PCDH9: variants seen among roughly 807,000 people sequenced by gnomAD.
PCDH9 encodes protocadherin 9.
In PCDH9, 24 loss-of-function variants were observed where a neutral mutation model predicts 70.6. That is an observed-to-expected ratio of 0.34 (90% confidence interval 0.25 to 0.48). The LOEUF is 0.48. PCDH9 is among the 20% of genes least tolerant of loss of function. The pLI, the probability that PCDH9 is intolerant of heterozygous loss-of-function variation, is 0.99. For synonymous variants in PCDH9, 562 were observed against 558.5 expected, an observed-to-expected ratio of 1.01 and a Z score of -0.09; for missense variants, 1,281 against 1,503.6, an observed-to-expected ratio of 0.85 and a Z score of 2.45.
Position 66,319,232 on chromosome 13 carries a change from T to TG in PCDH9, c.3341-14205dup, listed in dbSNP as rs550170598. 9.9e-5 allele frequency among the ~76,000 whole-genome samples: 15 copies of TG among 152,018 alleles called. No individual in the cohort carries two copies. The East Asian group carries it at 2.3e-3, about 24-fold the overall frequency. On this transcript the variant is annotated intron_variant, in intron 4 of 4. Transcript: ENST00000377865. ...AAAACTCACTATCATGGCAATAGCG[T>TG]GGGGAAAAGTGCCCCATGATCCAAT...
At chr13:66,439,293 C>T (rs1593981306) in intron 4 of PCDH9, among the ~76,000 whole-genome samples, 1 of 152,134 alleles carries the variant, frequency 6.6e-6, no homozygotes, top group East Asian at 1.9e-4. Context: ...TGTATTTTGG[C>T]ATTTGTTATC....
chr13:66,882,140 T>C (rs2081932517), intron 3 of PCDH9, among the ~76,000 whole-genome samples: 1 of 152,204 alleles, frequency 6.6e-6, no homozygotes, highest in Non-Finnish European at 1.5e-5. Context: ...GTTCTCTTTG[T>C]GGTAATGTCA....
At chr13:66,792,138 G>T (rs888457810) in intron 3 of PCDH9, among the ~76,000 whole-genome samples, 1 of 152,128 alleles carries the variant, frequency 6.6e-6, no homozygotes, top group Admixed American at 6.5e-5. Flanking sequence ...GTCAGTAAAT[G>T]AAAACATTTT....
intron 2 of PCDH9, among the ~76,000 whole-genome samples, chr13:67,084,643 G>A (rs897577903): frequency 2.0e-5 from 3 of 151,606 alleles, no homozygotes; most frequent in African/African-American, 7.3e-5. Context: ...CAATATTACT[G>A]CACCTGGTAA....
At chr13:66,795,108 T>A (rs1261805527) in intron 3 of PCDH9, among the ~76,000 whole-genome samples, 1 of 152,116 alleles carries the variant, frequency 6.6e-6, no homozygotes, top group Admixed American at 6.6e-5. Context: ...TTATTTTTCT[T>A]TTTAGTATAA....
At chr13:66,450,196 T>A (rs953140355) in intron 4 of PCDH9, among the ~76,000 whole-genome samples, 1 of 152,202 alleles carries the variant, frequency 6.6e-6, no homozygotes, top group Non-Finnish European at 1.5e-5. Flanking sequence ...CTAGAGGGTG[T>A]GCAATTAGTT....
intron 4 of PCDH9, among the ~76,000 whole-genome samples, chr13:66,514,379 T>C (rs1020353797): frequency 2.0e-5 from 3 of 151,954 alleles, no homozygotes; most frequent in Non-Finnish European, 4.4e-5. Context: ...AGCAGTAGTA[T>C]TGACGTGGTG....
intron 4 of PCDH9, among the ~76,000 whole-genome samples, chr13:66,608,957 C>T (rs887571256): frequency 6.6e-6 from 1 of 152,194 alleles, no homozygotes; most frequent in Non-Finnish European, 1.5e-5. Flanking sequence ...GGACCTCACA[C>T]GGTCTCCTTT....
At chr13:67,070,442 T>A (rs2085738678) in intron 2 of PCDH9, among the ~76,000 whole-genome samples, 1 of 152,198 alleles carries the variant, frequency 6.6e-6, no homozygotes, top group African/African-American at 2.4e-5. Flanking sequence ...CTGTTAAGTG[T>A]GAGAGGTATT....
At chr13:66,898,961 A>C (rs987647028) in intron 3 of PCDH9, among the ~76,000 whole-genome samples, 2 of 151,940 alleles carry the variant, frequency 1.3e-5, no homozygotes, top group African/African-American at 4.8e-5. Flanking sequence ...AATTAGACTT[A>C]CCTTGAAGAC....
rs907254144 is a variant in PCDH9 at position 67,080,434 on chromosome 13, G to C, written c.3036+144971C>G. Among the ~76,000 whole-genome samples, 7 of 152,088 alleles carry C rather than the reference G, an allele frequency of 4.6e-5. No individual in the cohort carries two copies. In the South Asian group the frequency reaches 1.2e-3, roughly 27 times the overall value. On this transcript the variant is annotated intron_variant, in intron 2 of 4. Coordinates refer to ENST00000377865, the MANE Select transcript of PCDH9 (RefSeq NM_203487.3). ...GATTCAATGAGAAATGTGTAAAATGGTTAGTTGGATCAAAATTTTCAAAAA... is the reference window on the plus strand; with the variant it reads ...GATTCAATGAGAAATGTGTAAAATGCTTAGTTGGATCAAAATTTTCAAAAA...
At chr13:66,950,505 T>C (rs1475704814) in intron 2 of PCDH9, among the ~76,000 whole-genome samples, 1 of 152,088 alleles carries the variant, frequency 6.6e-6, no homozygotes, top group East Asian at 1.9e-4. Flanking sequence ...TTTTTTTTTT[T>C]TAGTTTTAAC....
At chr13:66,518,987 T>A (rs905741748) in intron 4 of PCDH9, among the ~76,000 whole-genome samples, 1 of 152,186 alleles carries the variant, frequency 6.6e-6, no homozygotes, top group Non-Finnish European at 1.5e-5. Flanking sequence ...GTGTCCCAGA[T>A]ATAATATACA....
intron 2 of PCDH9, among the ~76,000 whole-genome samples, chr13:67,101,551 G>A (rs10162107): frequency 0.046 from 6,984 of 152,240 alleles, 240 homozygotes; most frequent in Non-Finnish European, 0.069. Context: ...GTATACATAC[G>A]TGTATATGTG....
intron 3 of PCDH9, among the ~76,000 whole-genome samples, chr13:66,642,521 T>C (rs2077721934): frequency 1.3e-5 from 2 of 152,082 alleles, no homozygotes; most frequent in South Asian, 4.1e-4. Context: ...ATGATTCATA[T>C]GCTATGGCAG....
intron 2 of PCDH9, among the ~76,000 whole-genome samples, chr13:67,107,819 C>A (rs762897363): frequency 1.1e-4 from 16 of 152,208 alleles, no homozygotes; most frequent in Non-Finnish European, 2.2e-4. Context: ...GAGAGAAGAG[C>A]TACAGCCCTT....
intron 3 of PCDH9, among the ~76,000 whole-genome samples, chr13:66,664,588 T>C (rs771174369): frequency 2.6e-5 from 4 of 152,164 alleles, no homozygotes; most frequent in East Asian, 1.9e-4. Flanking sequence ...TAGAAACTTA[T>C]ATGAATTCAG....
intron 4 of PCDH9, among the ~76,000 whole-genome samples, chr13:66,387,161 A>G (rs1167454179): frequency 6.6e-6 from 1 of 152,182 alleles, no homozygotes; most frequent in Non-Finnish European, 1.5e-5. Flanking sequence ...CATCTTCTTA[A>G]TTATTGTTCC....
At chr13:66,690,368 T>C (rs569937299) in intron 3 of PCDH9, among the ~76,000 whole-genome samples, 2 of 152,286 alleles carry the variant, frequency 1.3e-5, no homozygotes, top group East Asian at 1.9e-4. Context: ...CAAGGATTGA[T>C]AGATTTTAAG....
Sources: gnomAD v4.1 joint callset for allele counts (sites outside exome capture counted in the v4.1 genomes callset) on GRCh38, gnomAD v4.1.1 for gene constraint, MANE v1.5 for transcripts, NCBI Gene and HGNC (gene_info 2026-07-23, HGNC 2026-07-21) for gene names.